ABHD12: variants seen among roughly 807,000 people sequenced by gnomAD.
ABHD12 encodes abhydrolase domain containing 12, lysophospholipase.
A neutral mutation model predicts 58.3 loss-of-function variants in ABHD12; 43 were observed. That is an observed-to-expected ratio of 0.74 (90% CI 0.58 to 0.95). The LOEUF is 0.95. ABHD12 is among the 40% of genes least tolerant of loss of function. The pLI is 0.00. For missense variants in ABHD12, 539 were observed against 537.2 expected, an observed-to-expected ratio of 1.00 and a Z score of -0.03; for synonymous variants, 219 against 211.2, an observed-to-expected ratio of 1.04 and a Z score of -0.32.
chr20:25,303,659 C>T (rs760819395), intron 10 of ABHD12, 31 bp from the exon 11 acceptor site: 2 of 1,612,600 alleles, frequency 1.2e-6, no homozygotes, highest in South Asian at 1.1e-5. Context: ...TAGACCAAGA[C>T]CAGGGAAAGG....
intron 5 of ABHD12, 129 bp downstream of exon 5, chr20:25,316,919 G>GCA (rs1190229871): frequency 1.4e-5 from 12 of 843,058 alleles, no homozygotes; most frequent in Admixed American, 9.4e-5. Flanking sequence ...AGAGGAGGAG[G>GCA]ACCCTGTCTC....
chr20:25,323,201 G>A (rs1028588534), intron 3 of ABHD12, 124 bp downstream of exon 3: 2 of 746,582 alleles, frequency 2.7e-6, no homozygotes, highest in South Asian at 1.4e-5. Flanking sequence ...TTTCCTTTAG[G>A]AAAGGAAGAG....
At chr20:25,383,283 G>A (rs1448803986) in intron 1 of ABHD12, among the ~76,000 whole-genome samples, 1 of 152,176 alleles carries the variant, frequency 6.6e-6, no homozygotes, top group Non-Finnish European at 1.5e-5. Context: ...GAAGAAATAG[G>A]TGTGATGACT....
chr20:25,312,078 G>A (rs1055318345), intron 6 of ABHD12, among the ~76,000 whole-genome samples: 9 of 152,052 alleles, frequency 5.9e-5, no homozygotes, highest in Non-Finnish European at 1.2e-4. Flanking sequence ...CAACACTTCG[G>A]GAGGCCAAGG....
intron 1 of ABHD12, among the ~76,000 whole-genome samples, chr20:25,389,031 C>T (rs1454762836): frequency 1.3e-5 from 2 of 152,122 alleles, no homozygotes; most frequent in Non-Finnish European, 2.9e-5. Flanking sequence ...GTCTCGAACT[C>T]CTGACCTCTG....
rs188998547 is a variant in ABHD12 at position 25,384,103 on chromosome 20, C to G, written c.191+6410G>C. 1.3e-3 allele frequency among the ~76,000 whole-genome samples: 200 copies of G among 149,558 alleles called. 1 individual carries two copies. The highest frequency in any genetic ancestry group is 4.6e-3 in the African/African-American group (188 of 40,764). Reference sequence around the variant, plus strand: ...GTTGCAGTGAGCCGAGATCACGCCACTGCACTCCAGCCTGGGTGACAGAGT... The same window carrying G: ...GTTGCAGTGAGCCGAGATCACGCCAGTGCACTCCAGCCTGGGTGACAGAGT... On this transcript the variant is annotated intron_variant, in intron 1 of 12. Coordinates refer to ENST00000339157, the MANE Select transcript of ABHD12 (RefSeq NM_001042472.3).
intron 10 of ABHD12, among the ~76,000 whole-genome samples, chr20:25,305,972 C>A (rs139253269): frequency 6.6e-6 from 1 of 152,000 alleles, no homozygotes; most frequent in Non-Finnish European, 1.5e-5. Flanking sequence ...TCGAGACCAG[C>A]CCGGCCAACA....
In ABHD12 at chr20:25,339,232, T is replaced by C; in HGVS notation, c.311A>G (p.Asn104Ser). Residue 104 changes from asparagine to serine, a missense_variant, in exon 2 of 13, where the codon AAT becomes AGT. Coordinates refer to ENST00000339157, the MANE Select transcript of ABHD12 (RefSeq NM_001042472.3). Reference protein sequence around the residue: ...PGIQAKLIFLNFVRVPYFIDL... With the variant: ...PGIQAKLIFLSFVRVPYFIDL... Reference sequence around the variant, plus strand: ...AATGGACACATACCACTTACCGAAATTCAAGAAAATCAGTTTGGCCTGTAT... The same window carrying C: ...AATGGACACATACCACTTACCGAAACTCAAGAAAATCAGTTTGGCCTGTAT... The C allele has an allele frequency of 6.2e-7, 1 of 1,614,082 alleles. No homozygotes were observed. Among genetic ancestry groups the C allele is most frequent in the Non-Finnish European group, 8.5e-7 (1 of 1,179,998 alleles).
intron 1 of ABHD12, among the ~76,000 whole-genome samples, chr20:25,371,931 A>C (rs1268492867): frequency 6.6e-6 from 1 of 152,056 alleles, no homozygotes; most frequent in Non-Finnish European, 1.5e-5. Context: ...CTATATTTTC[A>C]CTTTCCTCAA....
At chr20:25,384,505 G>A (rs772644111) in intron 1 of ABHD12, among the ~76,000 whole-genome samples, 5 of 151,792 alleles carry the variant, frequency 3.3e-5, no homozygotes, top group Non-Finnish European at 7.4e-5. Flanking sequence ...AGCACTTTGG[G>A]AGGCTTAGGC....
intron 6 of ABHD12, among the ~76,000 whole-genome samples, chr20:25,311,040 G>T (rs559253880): frequency 6.6e-6 from 1 of 152,288 alleles, no homozygotes; most frequent in South Asian, 2.1e-4. Context: ...CCACTTCCTT[G>T]CTCCTCATTC....
intron 1 of ABHD12, among the ~76,000 whole-genome samples, chr20:25,358,156 C>T (rs958595420): frequency 6.6e-5 from 10 of 152,188 alleles, no homozygotes; most frequent in Non-Finnish European, 4.4e-5. Context: ...TATTCATACT[C>T]TTTGACCCAT....
In ABHD12 at chr20:25,308,462, TCA is replaced by T; in HGVS notation, c.780_781del (p.Cys260Ter). ...GGGCCCAACAAGGCACTCACCTCGC[TCA>T]CAGAGGCGCCGCACCAGATTTGTCG... On this transcript the variant is annotated stop_gained and frameshift_variant, in exon 8 of 13. Coordinates refer to ENST00000339157, the MANE Select transcript of ABHD12 (RefSeq NM_001042472.3). LOFTEE classifies it high-confidence loss of function. 6.2e-7 allele frequency: 1 copy of T among 1,611,796 alleles called. No homozygotes were observed. The highest frequency in any genetic ancestry group is 8.5e-7 in the Non-Finnish European group (1 of 1,179,188).
At chr20:25,318,765 T>G (rs1471560013) in intron 4 of ABHD12, among the ~76,000 whole-genome samples, 1 of 152,146 alleles carries the variant, frequency 6.6e-6, no homozygotes, top group African/African-American at 2.4e-5. Flanking sequence ...GCAAGAGCTG[T>G]TTGTAGCCAC....
At chr20:25,334,582 G>A (rs1438276176) in intron 2 of ABHD12, among the ~76,000 whole-genome samples, 5 of 152,020 alleles carry the variant, frequency 3.3e-5, no homozygotes, top group Non-Finnish European at 1.5e-5. Flanking sequence ...AACCAAAACA[G>A]CATGGTACTG....
At chr20:25,316,587 GA>G (rs2088966116) in intron 5 of ABHD12, among the ~76,000 whole-genome samples, 1 of 152,230 alleles carries the variant, frequency 6.6e-6, no homozygotes, top group Non-Finnish European at 1.5e-5. Flanking sequence ...CCCAGGCCTA[GA>G]AGCAGTGTGA....
At chr20:25,315,010 A>G in intron 5 of ABHD12, 40 bp from the exon 6 acceptor site, 1 of 1,611,936 alleles carries the variant, frequency 6.2e-7, no homozygotes, top group Non-Finnish European at 8.5e-7. Context: ...AACAAATCCA[A>G]GCATCTGTAT....
chr20:25,314,839 G>A (rs551371589), intron 6 of ABHD12, 86 bp downstream of exon 6: 53 of 1,462,636 alleles, frequency 3.6e-5, no homozygotes, highest in Non-Finnish European at 4.3e-5. Context: ...GCCTTGCTCC[G>A]AGCCTCTTCG....
chr20:25,332,593 T>C, intron 2 of ABHD12, among the ~76,000 whole-genome samples: 1 of 151,578 alleles, frequency 6.6e-6, no homozygotes, highest in Non-Finnish European at 1.5e-5. Context: ...GAACAGAAAT[T>C]ATAATAAACT....
Sources: allele counts gnomAD v4.1 joint callset (sites outside exome capture counted in the v4.1 genomes callset), GRCh38; gene constraint gnomAD v4.1.1; transcripts MANE v1.5; gene names NCBI Gene and HGNC (gene_info 2026-07-23, HGNC 2026-07-21).